ADCY10: variants seen among roughly 807,000 people sequenced by gnomAD.
ADCY10 encodes adenylate cyclase 10, also known as adenylate cyclase type 10.
A neutral mutation model predicts 183.3 loss-of-function variants in ADCY10; 156 were observed. The observed-to-expected ratio is 0.85, with a 90% CI of 0.75 to 0.97. The LOEUF is 0.97. Among genes scored for constraint, ADCY10 ranks in the 50% least tolerant of loss-of-function variants. The probability of loss-of-function intolerance (pLI) is 0.00; values close to 1 mark genes in which losing one functional copy is unlikely to be tolerated. For missense variants in ADCY10, 1,745 were observed against 1,934.3 expected (o/e 0.90, Z 1.84); for synonymous variants, 645 against 670.0 (o/e 0.96, Z 0.58).
At chr1:167,830,495 G>A (rs547558651) in intron 25 of ADCY10, among the ~76,000 whole-genome samples, 3 of 152,104 alleles carry the variant, frequency 2.0e-5, no homozygotes, top group East Asian at 1.9e-4. Flanking sequence ...AGGTTCAAGC[G>A]ATTCTCTTTC....
rs147104989 is a variant in ADCY10, at chr1:167,829,398, G to A, written c.3619C>T (p.Arg1207Trp). ...AGCAAGGAAAGGCAGACAGTTTGCC[G>A]GTAAAGTTGTGCCAGCCTCTTCTTC... ...PGKKRLAQLYRQTVCLSLLWR... is the reference protein window; with the variant it reads ...PGKKRLAQLYWQTVCLSLLWR... Residue 1207 changes from arginine to tryptophan, a missense_variant, in exon 26 of 33, where the codon CGG becomes TGG. Transcript: ENST00000367851. 463 of 1,614,000 alleles carry A rather than the reference G, an allele frequency of 2.9e-4. 1 individual carries two copies. Among genetic ancestry groups the A allele is most frequent in the Middle Eastern group, 4.9e-4 (3 of 6,082 alleles).
rs529640555 is a variant in ADCY10 at position 167,887,779 on chromosome 1, A to C, written c.829-4151T>G. ...ATTTTTTATCTGATAAAATAATTCT[A>C]AAAAAAAAAAACACTTGATGTTATC... On this transcript the variant is annotated intron_variant, in intron 8 of 32. Coordinates refer to ENST00000367851, the MANE Select transcript of ADCY10 (RefSeq NM_018417.6). 2.6e-3 allele frequency among the ~76,000 whole-genome samples: 360 copies of C among 138,198 alleles called. 4 individuals are homozygous for C. The highest frequency in any genetic ancestry group is 0.01 in the African/African-American group (346 of 34,312). 90.7% of individuals were successfully genotyped at this position (138,198 alleles called of 152,430 possible). A position where few individuals can be genotyped will look rare whatever the true frequency, so the allele number is the denominator to read the frequency against.
At chr1:167,862,927 G>A (rs1271896348) in intron 14 of ADCY10, among the ~76,000 whole-genome samples, 2 of 152,182 alleles carry the variant, frequency 1.3e-5, no homozygotes, top group African/African-American at 4.8e-5. Flanking sequence ...TGAGGAAGTA[G>A]AATGGATTGT....
intron 14 of ADCY10, among the ~76,000 whole-genome samples, chr1:167,863,188 C>T (rs1176999566): frequency 6.6e-6 from 1 of 152,166 alleles, no homozygotes; most frequent in Non-Finnish European, 1.5e-5. Context: ...GAACCAGACC[C>T]GAAACCAGGC....
At chr1:167,837,188 G>C in intron 22 of ADCY10, 61 bp downstream of exon 22, 1 of 1,438,644 alleles carries the variant, frequency 7.0e-7, no homozygotes, top group Admixed American at 1.7e-5. Context: ...TTCTAATAGT[G>C]TTCTGAATTT....
chr1:167,894,892 A>G (rs1279520147), intron 7 of ADCY10, among the ~76,000 whole-genome samples: 2 of 152,166 alleles, frequency 1.3e-5, no homozygotes, highest in East Asian at 3.9e-4. Context: ...TAACATCAGA[A>G]TTGCACTGCA....
rs535287768 is a variant in ADCY10 at position 167,908,956 on chromosome 1, T to G, written c.-58-3758A>C. Among the ~76,000 whole-genome samples, 8 of 152,358 alleles carry G rather than the reference T, an allele frequency of 5.3e-5. No individual in the cohort carries two copies. The South Asian group carries it at 1.4e-3, about 28-fold the overall frequency. On this transcript the variant is annotated intron_variant, in intron 1 of 32. Transcript: ENST00000367851. ...TGTAGGAAAATGTACAAATCATAAG[T>G]GTATAGCTTGAATTACTCTAAGGTG...
At chr1:167,903,268 T>C (rs922051777) in intron 3 of ADCY10, among the ~76,000 whole-genome samples, 2 of 140,032 alleles carry the variant, frequency 1.4e-5, no homozygotes, top group Non-Finnish European at 3.1e-5. Context: ...AAAAAAAAAT[T>C]AATAAATAAA....
At position 167,859,825 on chromosome 1, in the gene ADCY10, A is replaced by T. The variant is rs760297046; in HGVS notation, c.1878T>A (p.Phe626Leu). The change falls in exon 16 of 33, where the codon TTT becomes TTA. Residue 626 changes from phenylalanine (F) to leucine (L), a missense_variant. Coordinates refer to ENST00000367851, the MANE Select transcript of ADCY10 (RefSeq NM_018417.6). ...CTCTTACCAGCTTCAAGATCTTCAT[A>T]AACAATATTTCCAATTGTTTTTGCT... is the stretch of plus-strand genomic sequence containing the variant. ...LKKQKQLEIL[F>L]MKILKLIVKE... is the part of the protein sequence containing the mutation. The T allele has an allele frequency of 2.2e-5, 36 of 1,613,442 alleles. No individual in the cohort carries two copies. The East Asian group carries it at 8.0e-4, about 36-fold the overall frequency.
intron 8 of ADCY10, among the ~76,000 whole-genome samples, chr1:167,891,214 C>A (rs1178008804): frequency 1.3e-5 from 2 of 151,958 alleles, no homozygotes; most frequent in African/African-American, 2.4e-5. Flanking sequence ...CCCACCTCGG[C>A]CTCCCAAAGT....
chr1:167,845,963 G>A (rs376667480), intron 20 of ADCY10, 22 bp downstream of exon 20: 14 of 1,613,952 alleles, frequency 8.7e-6, no homozygotes, highest in Non-Finnish European at 1.2e-5. Context: ...GAGGAAATTG[G>A]GTCACTCCAG....
rs760614868 is a variant in ADCY10 at position 167,861,745 on chromosome 1, T to C, written c.1617-682A>G. On this transcript the variant is annotated intron_variant, in intron 14 of 32. Coordinates refer to ENST00000367851, the MANE Select transcript of ADCY10 (RefSeq NM_018417.6). ...ATTCAACTTTTAATGCTATCTGATA[T>C]GGTTTGGCTCTGTGTCCTCACCCAA... Among the ~76,000 whole-genome samples, 73 of 152,348 alleles carry C rather than the reference T, an allele frequency of 4.8e-4. 1 individual carries two copies. Among genetic ancestry groups the C allele is most frequent in the Middle Eastern group, 3.4e-3 (1 of 294 alleles).
In ADCY10 at chr1:167,859,841, T is replaced by C; in HGVS notation, c.1862A>G (p.Gln621Arg). ...SRMSTLKKQK[Q>R]LEILFMKILK... ...GATCTTCATAAACAATATTTCCAAT[T>C]GTTTTTGCTTTTTCAAGGTGCTCAT... The change falls in exon 16 of 33, where the codon CAA (glutamine) becomes CGA (arginine). Residue 621 changes from glutamine to arginine, a missense_variant. Transcript: ENST00000367851. 1 of 1,613,838 alleles carries C rather than the reference T, an allele frequency of 6.2e-7. No homozygotes were observed. Among genetic ancestry groups the C allele is most frequent in the East Asian group, 2.2e-5 (1 of 44,874 alleles).
At chr1:167,885,906 G>A (rs536024431) in intron 8 of ADCY10, among the ~76,000 whole-genome samples, 4 of 152,208 alleles carry the variant, frequency 2.6e-5, no homozygotes, top group East Asian at 3.9e-4. Flanking sequence ...GAGCCACTGC[G>A]CCTGGCCTTA....
At chr1:167,847,881 C>A (rs1163336679) in intron 19 of ADCY10, among the ~76,000 whole-genome samples, 1 of 152,180 alleles carries the variant, frequency 6.6e-6, no homozygotes, top group Non-Finnish European at 1.5e-5. Flanking sequence ...AGAATATACA[C>A]AGGGGGAAAG....
Position 167,858,497 on chromosome 1 carries a change from C to CAAA in ADCY10, c.1896+1307_1896+1309dup, listed in dbSNP as rs57443879. Among the ~76,000 whole-genome samples the CAAA allele has an allele frequency of 7.7e-3, 544 of 70,258 alleles. 18 individuals are homozygous for CAAA. The highest frequency in any genetic ancestry group is 0.011 in the Non-Finnish European group (421 of 38,164). 46.1% of individuals were successfully genotyped at this position (70,258 alleles called of 152,430 possible). On this transcript the variant is annotated intron_variant, in intron 16 of 32. Coordinates refer to ENST00000367851, the MANE Select transcript of ADCY10 (RefSeq NM_018417.6). ...TGGGCGACAGAGCGAGACTCTGTCT[C>CAAA]AAAAAAAAAAAAAAAAAAAAAAAAA...
chr1:167,845,649 G>A lies in ADCY10; in HGVS notation c.2921C>T (p.Pro974Leu). ...AATATTCACTGTGAAGTGATGATAGGGAATGAAGTCCCTGCCTCGGCAGTG... is the reference window on the plus strand; with the variant it reads ...AATATTCACTGTGAAGTGATGATAGAGAATGAAGTCCCTGCCTCGGCAGTG... ...CDHCRGRDFIPYHHFTVNIRL... is the reference protein window; with the variant it reads ...CDHCRGRDFILYHHFTVNIRL... Residue 974 changes from proline to leucine, a missense_variant, in exon 21 of 33, where the codon CCC becomes CTC. By Grantham distance (98) the Pro-to-Leu change is moderately conservative. Coordinates refer to ENST00000367851, the MANE Select transcript of ADCY10 (RefSeq NM_018417.6). The A allele has an allele frequency of 1.2e-6, 2 of 1,614,234 alleles. No individual in the cohort carries two copies. The highest frequency in any genetic ancestry group is 1.7e-6 in the Non-Finnish European group (2 of 1,180,032).
intron 16 of ADCY10, among the ~76,000 whole-genome samples, 171 bp downstream of exon 16, chr1:167,859,636 C>A (rs114732303): frequency 2.9e-3 from 440 of 152,160 alleles, no homozygotes; most frequent in African/African-American, 9.9e-3. Flanking sequence ...TCTAAACAGA[C>A]CTTTTGCTTG....
rs772015402 is a variant in ADCY10, at chr1:167,883,620, G to A, written c.837C>T (p.Asn279=). The A allele has an allele frequency of 1.2e-6, 2 of 1,614,216 alleles. No individual in the cohort carries two copies. The highest frequency in any genetic ancestry group is 2.7e-5 in the African/African-American group (2 of 75,060). Residue 279 remains asparagine (N), a synonymous_variant, in exon 9 of 33, where the codon AAC becomes AAT. Transcript: ENST00000367851. ...CAGATAAATAGCCCTGAAGCTGTTT[G>A]TTATCAATCTGCAAAGTAGAGAGCA... is the stretch of plus-strand genomic sequence containing the variant. ...VMESILKQID[N]KQLQGYLSEL...
Sources: allele counts gnomAD v4.1 joint callset (sites outside exome capture counted in the v4.1 genomes callset), GRCh38; gene constraint gnomAD v4.1.1; transcripts MANE v1.5; gene names NCBI Gene and HGNC (gene_info 2026-07-23, HGNC 2026-07-21).